Variants in DRC7 observed in about 807,000 individuals in gnomAD.
DRC7 encodes the protein dynein regulatory complex subunit 7, also known as coiled-coil domain containing 135.
Under a neutral mutation model 104.4 loss-of-function variants are expected in DRC7, and 80 were observed. The observed-to-expected ratio is 0.77, with a 90% CI of 0.64 to 0.92. The LOEUF (loss-of-function observed/expected upper bound fraction) is 0.92. Ranked by LOEUF, DRC7 falls within the 40% of genes least tolerant of loss-of-function variation. DRC7 has a pLI of 0.00. For missense variants in DRC7, 1,034 were observed against 1,141.1 expected, an observed-to-expected ratio of 0.91 and a Z score of 1.35; for synonymous variants, 405 against 447.3, an observed-to-expected ratio of 0.91 and a Z score of 1.19.
chr16:57,716,624 C>T (rs2048846783), intron 8 of DRC7, among the ~76,000 whole-genome samples: 1 of 152,154 alleles, frequency 6.6e-6, no homozygotes, highest in Non-Finnish European at 1.5e-5. Context: ...CCCCAACTCT[C>T]CTCTGCTGTG....
chr16:57,723,034 C>A lies in DRC7; in HGVS notation c.1441C>A (p.Gln481Lys). ...TNILEIKEWY[Q>K]NREDMLELKH... ...TATTTTGGAGATAAAGGAGTGGTACCAGAACCGGGAAGACATGCTGGAGCT... is the reference window on the plus strand; with the variant it reads ...TATTTTGGAGATAAAGGAGTGGTACAAGAACCGGGAAGACATGCTGGAGCT... Residue 481 changes from glutamine (Q) to lysine (K), a missense_variant, in exon 12 of 19, where the codon CAG (glutamine) becomes AAG (lysine). Coordinates refer to ENST00000360716, the MANE Select transcript of DRC7 (RefSeq NM_001289162.2). 1 of 1,613,856 alleles carries A rather than the reference C, an allele frequency of 6.2e-7. No individual in the cohort carries two copies. The highest frequency in any genetic ancestry group is 8.5e-7 in the Non-Finnish European group (1 of 1,179,996).
chr16:57,729,326 GTGGA>G (rs1192413376), intron 17 of DRC7, among the ~76,000 whole-genome samples: 10 of 120,966 alleles, frequency 8.3e-5, no homozygotes, highest in Non-Finnish European at 1.4e-4. Flanking sequence ...GGATGAGTGG[GTGGA>G]TGGATGGATG....
intron 6 of DRC7, among the ~76,000 whole-genome samples, chr16:57,702,707 A>C (rs2048673037): frequency 6.6e-6 from 1 of 152,286 alleles, no homozygotes; most frequent in Non-Finnish European, 1.5e-5. Flanking sequence ...AGGCTGAGAC[A>C]GGAGAATCAC....
chr16:57,722,377 G>A (rs1226125433), intron 10 of DRC7, among the ~76,000 whole-genome samples: 1 of 152,158 alleles, frequency 6.6e-6, no homozygotes, highest in Non-Finnish European at 1.5e-5. Flanking sequence ...GAAGGAGTCA[G>A]TCCAACAAGG....
intron 8 of DRC7, among the ~76,000 whole-genome samples, chr16:57,716,400 G>A (rs541397232): frequency 6.6e-6 from 1 of 151,836 alleles, no homozygotes; most frequent in African/African-American, 2.4e-5. Flanking sequence ...CTACTCAGGA[G>A]GCTGAGGCAT....
chr16:57,697,251 G>T (rs1255917362), intron 2 of DRC7, among the ~76,000 whole-genome samples: 1 of 151,648 alleles, frequency 6.6e-6, no homozygotes, highest in African/African-American at 2.4e-5. Flanking sequence ...CAATACTATA[G>T]TAATCCCCAC....
chr16:57,719,097 A>C (rs2048876492), intron 9 of DRC7, among the ~76,000 whole-genome samples: 1 of 151,906 alleles, frequency 6.6e-6, no homozygotes, highest in South Asian at 2.1e-4. Flanking sequence ...GTTCTATCCC[A>C]AGTAGCCATC....
chr16:57,726,784 C>T (rs2048972218), intron 14 of DRC7, 48 bp from the exon 15 acceptor site: 1 of 1,268,894 alleles, frequency 7.9e-7, no homozygotes, highest in South Asian at 1.3e-5. Flanking sequence ...GGTCCTATGC[C>T]CCGATCATGG....
chr16:57,718,723 C>G (rs1567882741), intron 9 of DRC7, among the ~76,000 whole-genome samples: 1 of 152,202 alleles, frequency 6.6e-6, no homozygotes, highest in Non-Finnish European at 1.5e-5. Context: ...GACGTCAGGT[C>G]TTCTGCCCCC....
chr16:57,703,079 A>C (rs796887635), intron 6 of DRC7, among the ~76,000 whole-genome samples: 19 of 151,346 alleles, frequency 1.3e-4, no homozygotes, highest in African/African-American at 2.9e-4. Flanking sequence ...GGTTCTCACT[A>C]TGTTGTCCAG....
intron 4 of DRC7, among the ~76,000 whole-genome samples, chr16:57,699,893 T>C (rs1415545430): frequency 6.6e-6 from 1 of 152,204 alleles, no homozygotes; most frequent in South Asian, 2.1e-4. Flanking sequence ...ATGCTTGTGC[T>C]GTCTCCGGGT....
At position 57,707,601 on chromosome 16, in the gene DRC7, C is replaced by G; in HGVS notation, c.1000C>G (p.His334Asp). 1 of 1,613,594 alleles carries G rather than the reference C, an allele frequency of 6.2e-7. No individual in the cohort carries two copies. The highest frequency in any genetic ancestry group is 8.5e-7 in the Non-Finnish European group (1 of 1,180,018). Reference sequence around the variant, plus strand: ...ACATAGCTACAGCACCCAGGATGAGCACTTCCTGGGCATCGAAAGCCTGTG... The same window carrying G: ...ACATAGCTACAGCACCCAGGATGAGGACTTCCTGGGCATCGAAAGCCTGTG... ...TGHSYSTQDE[H>D]FLGIESLWNH... The change falls in exon 8 of 19, where the codon CAC (histidine) becomes GAC (aspartate). Residue 334 changes from histidine to aspartate, a missense_variant. By Grantham distance (81) the His-to-Asp change is moderately conservative. Transcript: ENST00000360716.
intron 8 of DRC7, chr16:57,714,682 G>C: frequency 4.6e-6 from 1 of 219,438 alleles, no homozygotes. Flanking sequence ...GGTTTCTATC[G>C]GGAATGAAAT....
Position 57,722,985 on chromosome 16 carries a change from G to C in DRC7, c.1409-17G>C. The stretch of plus-strand genomic sequence containing the variant: ...GGGAGCTGGCCTGGCTGCGGCAAGT[G>C]TCCATCGGCCCCACAGGTACCAATA... On this transcript the variant is annotated splice_polypyrimidine_tract_variant and intron_variant, in intron 11 of 18. Transcript: ENST00000360716. 2 of 1,613,742 alleles carry C rather than the reference G, an allele frequency of 1.2e-6. No individual in the cohort carries two copies. The highest frequency in any genetic ancestry group is 1.7e-6 in the Non-Finnish European group (2 of 1,179,966).
chr16:57,730,141 G>GTGGA (rs1305243488), intron 17 of DRC7, among the ~76,000 whole-genome samples: 83 of 112,476 alleles, frequency 7.4e-4, no homozygotes, highest in Middle Eastern at 9.4e-3. Flanking sequence ...GGGTGGGTGG[G>GTGGA]TGGATGGATG....
Position 57,727,377 on chromosome 16 carries a change from A to G in DRC7, c.2164A>G (p.Asn722Asp), listed in dbSNP as rs2048984040. Residue 722 changes from asparagine (N) to aspartate (D), a missense_variant, in exon 16 of 19, where the codon AAT becomes GAT. Asn to Asp is a conservative substitution (Grantham distance 23, BLOSUM62 1). Transcript: ENST00000360716. ...LTISIYDTKR[N>D]EKSKEYREAM... Reference sequence around the variant, plus strand: ...CATCTCCATCTATGACACCAAGCGGAATGAGAAGAGCAAGGAATATCGGGA... The same window carrying G: ...CATCTCCATCTATGACACCAAGCGGGATGAGAAGAGCAAGGAATATCGGGA... 1.9e-6 allele frequency: 3 copies of G among 1,613,356 alleles called. No homozygotes were observed. Among genetic ancestry groups the G allele is most frequent in the Non-Finnish European group, 2.5e-6 (3 of 1,179,844 alleles).
rs748313574 is a variant in DRC7 at position 57,704,999 on chromosome 16, A to G, written c.823A>G (p.Lys275Glu). 1.9e-6 allele frequency: 3 copies of G among 1,613,114 alleles called. No individual in the cohort carries two copies. The highest frequency in any genetic ancestry group is 4.5e-5 in the East Asian group (2 of 44,864). ...KKQQEIRAQE[K>E]KRLREEEERL... is the part of the protein sequence containing the mutation. ...GCAGCAGGAGATCAGAGCCCAGGAG[A>G]AGAAGCGGCTGAGGGAGGAGGAGGA... Residue 275 changes from lysine to glutamate, a missense_variant, in exon 7 of 19, where the codon AAG becomes GAG. By Grantham distance (56) the Lys-to-Glu change is moderately conservative. Transcript: ENST00000360716.
At position 57,704,884 on chromosome 16, in the gene DRC7, G is replaced by A. The variant is rs1314079819; in HGVS notation, c.708G>A (p.Lys236=). The stretch of plus-strand genomic sequence containing the variant: ...CTTCTTTTGGGTGACAGACCATCAA[G>A]AAGGAGGAAAAGGTGCTGCCTAAGA... ...PLTVKPKETI[K]KEEKVLPKKY... is the part of the protein sequence containing the mutation. The change falls in exon 7 of 19, where the codon AAG becomes AAA. Residue 236 remains lysine (K), a synonymous_variant. Transcript: ENST00000360716. 6.2e-7 allele frequency: 1 copy of A among 1,613,414 alleles called. No homozygotes were observed. The highest frequency in any genetic ancestry group is 8.5e-7 in the Non-Finnish European group (1 of 1,179,754).
intron 13 of DRC7, chr16:57,725,826 T>G: frequency 2.0e-6 from 1 of 510,700 alleles, no homozygotes; most frequent in Non-Finnish European, 3.5e-6. Context: ...TCTCTTGAGG[T>G]AGGCAAGCAG....
Sources: allele counts gnomAD v4.1 joint callset (sites outside exome capture counted in the v4.1 genomes callset), GRCh38; gene constraint gnomAD v4.1.1; transcripts MANE v1.5; gene names NCBI Gene and HGNC (gene_info 2026-07-23, HGNC 2026-07-21).